The following IAH1 variants were observed in gnomAD, a reference collection of about 807,000 sequenced individuals.
The protein encoded by IAH1 is isoamyl acetate-hydrolyzing esterase 1 homolog.
Under a neutral mutation model 26.7 loss-of-function variants are expected in IAH1, and 24 were observed. The ratio of observed to expected loss-of-function variants is 0.90; its 90% confidence interval spans 0.65 to 1.26. The LOEUF is 1.26. IAH1 is among the 50% of genes most tolerant of loss of function. The pLI is 0.00. For missense variants in IAH1, 300 were observed against 299.9 expected (o/e 1.00, Z 0.00); for synonymous variants, 140 against 118.5 (o/e 1.18, Z -1.18).
chr2:9,500,130 A>C (rs1662912659), downstream of IAH1, among the ~76,000 whole-genome samples: 1 of 152,242 alleles, frequency 6.6e-6, no homozygotes, highest in Non-Finnish European at 1.5e-5. Flanking sequence ...TATAGCAAAA[A>C]AGTGGAAGCA....
At chr2:9,488,102 C>CA (rs1558485552) in intron 5 of IAH1, 45 bp from the exon 6 acceptor site, 3 of 1,358,348 alleles carry the variant, frequency 2.2e-6, no homozygotes, top group Middle Eastern at 2.4e-4. Flanking sequence ...TGAGCTACCA[C>CA]ACGTGGCCAG....
In IAH1 at chr2:9,484,550, G is replaced by A; in HGVS notation, c.564G>A (p.Gln188=). 6.2e-7 allele frequency: 1 copy of A among 1,603,160 alleles called. No homozygotes were observed. The highest frequency in any genetic ancestry group is 8.5e-7 in the Non-Finnish European group (1 of 1,170,282). The change falls in exon 5 of 6, where the codon CAG becomes CAA. Residue 188 remains glutamine (Q), a splice_region_variant and synonymous_variant. Coordinates refer to ENST00000497473, the MANE Select transcript of IAH1 (RefSeq NM_001039613.3). ...TGTGGACCCTGATGCAGGACAGCCA[G>A]GTACGGTGGCTTGCTCGGTCCTCTC... ...LDLWTLMQDS[Q]DFSSYLSDGL...
the IAH1 span, among the ~76,000 whole-genome samples, chr2:9,504,628 T>C: frequency 1.3e-5 from 2 of 149,260 alleles, no homozygotes; most frequent in African/African-American, 2.5e-5. Context: ...CCGGGCATGG[T>C]GGTGCGTGCC....
At chr2:9,493,886 T>A, downstream of IAH1, 1 of 1,421,278 alleles carries the variant, frequency 7.0e-7, no homozygotes, top group Non-Finnish European at 9.8e-7. Flanking sequence ...AGAAGCAATG[T>A]AGCTTTATAA....
the IAH1 span, among the ~76,000 whole-genome samples, chr2:9,506,431 A>G: frequency 4.8e-5 from 7 of 144,910 alleles, no homozygotes; most frequent in Admixed American, 1.4e-4. Context: ...CAGAGGCACA[A>G]TCTTGGCTTA....
chr2:9,510,849 G>A, the IAH1 span, among the ~76,000 whole-genome samples: 27 of 151,974 alleles, frequency 1.8e-4, 1 homozygote, highest in South Asian at 5.0e-3. Flanking sequence ...AGTAATAACC[G>A]GACTATGATT....
the IAH1 span, chr2:9,505,229 A>G: frequency 6.2e-7 from 1 of 1,614,180 alleles, no homozygotes; most frequent in South Asian, 1.1e-5. Context: ...GTTCAGATAC[A>G]TGATGCCAGG....
At chr2:9,491,247 C>A, downstream of IAH1, 1 of 1,142,134 alleles carries the variant, frequency 8.8e-7, no homozygotes, top group Non-Finnish European at 1.3e-6. Flanking sequence ...AACTGAAGAA[C>A]TTAGAACCTG....
At chr2:9,510,432 G>A in the IAH1 span, among the ~76,000 whole-genome samples, 2 of 152,132 alleles carry the variant, frequency 1.3e-5, no homozygotes, top group Admixed American at 1.3e-4. Flanking sequence ...TTGGGAGGCT[G>A]AGGCAGGTGG....
chr2:9,509,732 T>G, the IAH1 span, among the ~76,000 whole-genome samples: 1 of 150,774 alleles, frequency 6.6e-6, no homozygotes, highest in Non-Finnish European at 1.5e-5. Context: ...TTATTATTAG[T>G]AATTTTTCCT....
At chr2:9,497,246 T>TTA (rs1317055277), downstream of IAH1, 1 of 1,614,112 alleles carries the variant, frequency 6.2e-7, no homozygotes, top group South Asian at 1.1e-5. Context: ...TCACTGCTAT[T>TTA]ACCTGGAAGC....
At chr2:9,511,401 G>C in the IAH1 span, among the ~76,000 whole-genome samples, 3 of 151,864 alleles carry the variant, frequency 2.0e-5, no homozygotes, top group Admixed American at 1.3e-4. Context: ...AGTGAGCTGA[G>C]ATCATGCCAT....
chr2:9,487,390 T>TG (rs957356854), intron 5 of IAH1: 10 of 152,272 alleles, frequency 6.6e-5, no homozygotes, highest in African/African-American at 2.2e-4. Context: ...AAAAACAATA[T>TG]TGACTCATGG....
intron 4 of IAH1, among the ~76,000 whole-genome samples, chr2:9,481,765 G>A (rs533094865): frequency 1.2e-4 from 17 of 147,066 alleles, no homozygotes; most frequent in East Asian, 2.0e-4. Flanking sequence ...TGTGGTGCTC[G>A]GCCTGCGGGG....
chr2:9,486,833 A>T (rs1393454833), intron 5 of IAH1: 1 of 151,822 alleles, frequency 6.6e-6, no homozygotes, highest in Admixed American at 6.6e-5. Context: ...CTAGCTCAAA[A>T]AAAAAAAAAA....
At chr2:9,504,523 T>C in the IAH1 span, among the ~76,000 whole-genome samples, 24,514 of 151,894 alleles carry the variant, frequency 0.16, 2,183 homozygotes, top group Middle Eastern at 0.29. Context: ...TCCCAGCACT[T>C]TGGGAGGCCA....
chr2:9,506,478 T>C, the IAH1 span, among the ~76,000 whole-genome samples: 1 of 150,914 alleles, frequency 6.6e-6, no homozygotes, highest in Admixed American at 6.6e-5. Flanking sequence ...GTGATTCTTC[T>C]GCCTCAGCCT....
At chr2:9,481,963 C>T (rs979356518) in intron 4 of IAH1, among the ~76,000 whole-genome samples, 16 of 151,772 alleles carry the variant, frequency 1.1e-4, no homozygotes, top group African/African-American at 3.6e-4. Context: ...TGGACCTTCA[C>T]GGTTCAAACC....
At chr2:9,489,749 A>C (rs965844048), downstream of IAH1, 4 of 132,760 alleles carry the variant, frequency 3.0e-5, no homozygotes, top group African/African-American at 8.5e-5. Context: ...AAAAAAAAAA[A>C]CTATTCCAGT....
Sources: allele counts gnomAD v4.1 joint callset (sites outside exome capture counted in the v4.1 genomes callset), GRCh38; gene constraint gnomAD v4.1.1; transcripts MANE v1.5; gene names NCBI Gene and HGNC (gene_info 2026-07-23, HGNC 2026-07-21).